LARGE1: variants seen among roughly 807,000 people sequenced by gnomAD.
LARGE1 encodes the protein xylosyl- and glucuronyltransferase LARGE1.
A neutral mutation model predicts 87.6 loss-of-function variants in LARGE1; 43 were observed. The ratio of observed to expected loss-of-function variants is 0.49; its 90% CI spans 0.38 to 0.63. The LOEUF (loss-of-function observed/expected upper bound fraction) is 0.63, where lower values mean the gene tolerates loss of function less well. Ranked by LOEUF, LARGE1 falls within the 30% of genes least tolerant of loss-of-function variation. The pLI is 0.00. For synonymous variants in LARGE1, 434 were observed against 394.6 expected (o/e 1.10, Z -1.18); for missense variants, 802 against 1,000.2 (o/e 0.80, Z 2.67).
At chr22:33,915,935 T>C (rs1179818282) in intron 1 of LARGE1, among the ~76,000 whole-genome samples, 3 of 152,140 alleles carry the variant, frequency 2.0e-5, no homozygotes, top group African/African-American at 7.2e-5. Context: ...TCCTGGGAAG[T>C]TCAAACTCAT....
At chr22:33,499,128 T>G (rs939411982) in intron 6 of LARGE1, among the ~76,000 whole-genome samples, 4 of 152,212 alleles carry the variant, frequency 2.6e-5, no homozygotes, top group African/African-American at 7.2e-5. Flanking sequence ...GTTTACCCAC[T>G]ACCTTCCACA....
chr22:33,383,376 G>A (rs370475809), intron 8 of LARGE1, among the ~76,000 whole-genome samples: 29 of 152,158 alleles, frequency 1.9e-4, no homozygotes, highest in East Asian at 5.8e-4. Context: ...CCTGGCCAAC[G>A]TGGAGAAACC....
intron 11 of LARGE1, among the ~76,000 whole-genome samples, chr22:33,267,227 G>A (rs1602173030): frequency 6.6e-6 from 1 of 151,560 alleles, no homozygotes; most frequent in Admixed American, 6.6e-5. Flanking sequence ...GGCGACAGAG[G>A]GGACCCTGTC....
intron 2 of LARGE1, among the ~76,000 whole-genome samples, chr22:33,655,523 C>A (rs2080934799): frequency 6.6e-6 from 1 of 152,140 alleles, no homozygotes; most frequent in Non-Finnish European, 1.5e-5. Flanking sequence ...GCTGACTCAA[C>A]CTGAAGATCT....
chr22:33,628,389 T>A (rs533585374), intron 3 of LARGE1, among the ~76,000 whole-genome samples: 1 of 151,094 alleles, frequency 6.6e-6, no homozygotes, highest in African/African-American at 2.4e-5. Flanking sequence ...CTATCTCAGC[T>A]CACTGCAACC....
chr22:33,084,844 A>G, the LARGE1 span, among the ~76,000 whole-genome samples: 2 of 152,256 alleles, frequency 1.3e-5, no homozygotes, highest in Non-Finnish European at 2.9e-5. Context: ...TCAACTAGAT[A>G]GTTCACATTC....
At chr22:33,224,604 A>G (rs1315685775) in intron 11 of LARGE1, among the ~76,000 whole-genome samples, 2 of 152,198 alleles carry the variant, frequency 1.3e-5, no homozygotes, top group African/African-American at 4.8e-5. Flanking sequence ...TGTTGTGCAC[A>G]TATCACACTT....
chr22:33,475,446 AT>A (rs1436910576), intron 6 of LARGE1, among the ~76,000 whole-genome samples: 8 of 148,908 alleles, frequency 5.4e-5, no homozygotes, highest in South Asian at 4.3e-4. Flanking sequence ...TTATTTATTT[AT>A]TTATTTATTT....
At chr22:33,479,964 C>T (rs914920732) in intron 6 of LARGE1, among the ~76,000 whole-genome samples, 4 of 152,076 alleles carry the variant, frequency 2.6e-5, no homozygotes, top group South Asian at 2.1e-4. Flanking sequence ...AGGCTGGTCT[C>T]GAACTCCTGA....
chr22:33,134,945 C>T, the LARGE1 span, among the ~76,000 whole-genome samples: 1 of 152,152 alleles, frequency 6.6e-6, no homozygotes, highest in African/African-American at 2.4e-5. Context: ...GCAGTTACCA[C>T]TTGTGATCAA....
At chr22:33,122,340 T>C in the LARGE1 span, among the ~76,000 whole-genome samples, 1 of 150,612 alleles carries the variant, frequency 6.6e-6, no homozygotes, top group South Asian at 2.1e-4. Context: ...AGAGTCTTTT[T>C]TTCTTTTCTT....
intron 3 of LARGE1, among the ~76,000 whole-genome samples, chr22:33,634,692 T>C (rs896868245): frequency 1.3e-5 from 2 of 151,290 alleles, no homozygotes; most frequent in African/African-American, 4.9e-5. Context: ...ATAATAATAA[T>C]AATAATAATA....
intron 5 of LARGE1, among the ~76,000 whole-genome samples, chr22:33,597,654 C>T (rs1055060244): frequency 1.3e-5 from 2 of 152,112 alleles, no homozygotes; most frequent in African/African-American, 4.8e-5. Context: ...TGGTAACAAG[C>T]GGGCATTGGG....
intron 5 of LARGE1, among the ~76,000 whole-genome samples, chr22:33,571,214 C>T (rs973129862): frequency 6.6e-6 from 1 of 152,196 alleles, no homozygotes; most frequent in African/African-American, 2.4e-5. Context: ...ACAGGCAACC[C>T]CAGGTTTTAA....
intron 6 of LARGE1, among the ~76,000 whole-genome samples, chr22:33,438,792 T>C (rs943306140): frequency 1.3e-5 from 2 of 152,198 alleles, no homozygotes; most frequent in African/African-American, 4.8e-5. Flanking sequence ...CAAAACAGGA[T>C]TCTAGCCCCA....
chr22:33,753,097 G>A (rs761217688), intron 2 of LARGE1, among the ~76,000 whole-genome samples: 3 of 152,176 alleles, frequency 2.0e-5, no homozygotes, highest in Non-Finnish European at 4.4e-5. Context: ...GCACGTGCCT[G>A]TAATCCCAGC....
intron 1 of LARGE1, among the ~76,000 whole-genome samples, chr22:33,892,603 T>C (rs2065032624): frequency 6.6e-6 from 1 of 152,194 alleles, no homozygotes; most frequent in African/African-American, 2.4e-5. Context: ...AAAATGATCA[T>C]CTGGCTCTGA....
At chr22:33,707,201 G>A (rs571356920) in intron 2 of LARGE1, among the ~76,000 whole-genome samples, 9 of 152,318 alleles carry the variant, frequency 5.9e-5, no homozygotes, top group African/African-American at 1.9e-4. Context: ...CTCTCTCACT[G>A]CCCTGACACT....
chr22:33,885,141 G>C (rs2064808675), intron 1 of LARGE1, among the ~76,000 whole-genome samples: 1 of 152,258 alleles, frequency 6.6e-6, no homozygotes, highest in Non-Finnish European at 1.5e-5. Flanking sequence ...ACATGCGCCA[G>C]AAAGTGACAG....
Sources: gnomAD v4.1 joint callset for allele counts (sites outside exome capture counted in the v4.1 genomes callset) on GRCh38, gnomAD v4.1.1 for gene constraint, MANE v1.5 for transcripts, NCBI Gene and HGNC (gene_info 2026-07-23, HGNC 2026-07-21) for gene names.